PDILT: variants seen among roughly 807,000 people sequenced by gnomAD.
PDILT encodes protein disulfide isomerase like, testis expressed.
PDILT carries 43 observed loss-of-function variants against 53.7 expected under a neutral mutation model. The ratio of observed to expected loss-of-function variants is 0.80; its 90% confidence interval spans 0.63 to 1.03. PDILT has a LOEUF of 1.03. PDILT is among the 50% of genes least tolerant of loss of function. The pLI is 0.00. For synonymous variants in PDILT, 282 were observed against 274.2 expected (o/e 1.03, Z -0.28); for missense variants, 727 against 712.3 (o/e 1.02, Z -0.24).
intron 8 of PDILT, 132 bp downstream of exon 8, chr16:20,369,360 C>T (rs1966265846): frequency 1.9e-6 from 2 of 1,038,080 alleles, no homozygotes; most frequent in Non-Finnish European, 2.9e-6. Context: ...GGGGATTTCC[C>T]CACATTGAGC....
intron 5 of PDILT, among the ~76,000 whole-genome samples, 200 bp from the exon 6 acceptor site, chr16:20,373,322 G>A (rs1966334905): frequency 6.6e-6 from 1 of 152,184 alleles, no homozygotes; most frequent in Admixed American, 6.5e-5. Context: ...GTAGGTGACA[G>A]CCATGAAAAT....
intron 2 of PDILT, among the ~76,000 whole-genome samples, chr16:20,398,283 A>G (rs1476434373): frequency 6.6e-6 from 1 of 152,172 alleles, no homozygotes; most frequent in Non-Finnish European, 1.5e-5. Context: ...CTGCTGATGC[A>G]AAATGTCCAA....
At chr16:20,387,559 T>A (rs186031488) in intron 2 of PDILT, among the ~76,000 whole-genome samples, 1 of 152,164 alleles carries the variant, frequency 6.6e-6, no homozygotes, top group South Asian at 2.1e-4. Context: ...GAATATGGAA[T>A]GGTACCAGAG....
At chr16:20,373,299 G>A (rs927196690) in intron 5 of PDILT, among the ~76,000 whole-genome samples, 177 bp from the exon 6 acceptor site, 1 of 152,176 alleles carries the variant, frequency 6.6e-6, no homozygotes, top group Non-Finnish European at 1.5e-5. Flanking sequence ...ATTAGTCAGT[G>A]GGTAGAATCT....
chr16:20,403,333 A>G (rs1966768066), intron 1 of PDILT, among the ~76,000 whole-genome samples: 1 of 152,140 alleles, frequency 6.6e-6, no homozygotes, highest in Non-Finnish European at 1.5e-5. Context: ...CTTGTTGCCC[A>G]GGCTGGAGTG....
chr16:20,369,488 C>G lies in PDILT; in HGVS notation c.1116+4G>C, dbSNP rs1966268604. 1.2e-6 allele frequency: 2 copies of G among 1,612,956 alleles called. No homozygotes were observed. The highest frequency in any genetic ancestry group is 1.3e-5 in the African/African-American group (1 of 74,878). Reference sequence around the variant, plus strand: ...GGATAAACCTTGTCCAAGAAAAAACCTACTGTGGCATTTTTACTCAGGAAG... The same window carrying G: ...GGATAAACCTTGTCCAAGAAAAAACGTACTGTGGCATTTTTACTCAGGAAG... On this transcript the variant is annotated splice_donor_region_variant and intron_variant, in intron 8 of 11. Transcript: ENST00000302451.
At chr16:20,378,847 C>T (rs1966422500) in intron 3 of PDILT, among the ~76,000 whole-genome samples, 1 of 152,120 alleles carries the variant, frequency 6.6e-6, no homozygotes, top group African/African-American at 2.4e-5. Context: ...TTACATTAGT[C>T]TGCCTGTTCC....
Position 20,373,106 on chromosome 16 carries a change from CG to C in PDILT, c.697del (p.Arg233AlafsTer18), listed in dbSNP as rs1966331228. ...LVFKKGKIVN[R>X]QKLINDSTNK... ...GGTACTGTCATTAATAAGCTTTTGGCGGTTCACAATTTTTCCCTTGTACAAA... is the reference window on the plus strand; with the variant it reads ...GGTACTGTCATTAATAAGCTTTTGGCGTTCACAATTTTTCCCTTGTACAAA... On this transcript the variant is annotated frameshift_variant, in exon 6 of 12. Transcript: ENST00000302451. LOFTEE classifies it high-confidence loss of function. 1 of 1,613,938 alleles carries C rather than the reference CG, an allele frequency of 6.2e-7. No homozygotes were observed. Among genetic ancestry groups the C allele is most frequent in the African/African-American group, 1.3e-5 (1 of 75,008 alleles).
At chr16:20,392,266 C>A (rs1417122318) in intron 2 of PDILT, among the ~76,000 whole-genome samples, 1 of 152,126 alleles carries the variant, frequency 6.6e-6, no homozygotes, top group African/African-American at 2.4e-5. Flanking sequence ...TCAGTGAAGG[C>A]AGGACATAAG....
At chr16:20,359,628 G>C in intron 11 of PDILT, 61 bp from the exon 12 acceptor site, 1 of 1,502,216 alleles carries the variant, frequency 6.7e-7, no homozygotes, top group East Asian at 2.3e-5. Flanking sequence ...AAGAAATAAA[G>C]AGGCAAGAAA....
chr16:20,399,916 CA>C (rs1966708058), intron 1 of PDILT, among the ~76,000 whole-genome samples: 1 of 151,998 alleles, frequency 6.6e-6, no homozygotes, highest in Non-Finnish European at 1.5e-5. Flanking sequence ...AAATCTCTCC[CA>C]TTCTCTCACT....
chr16:20,399,411 T>A, intron 1 of PDILT, 104 bp from the exon 2 acceptor site: 1 of 1,257,992 alleles, frequency 7.9e-7, no homozygotes, highest in Non-Finnish European at 1.1e-6. Context: ...AGGGTGAATG[T>A]GGCCTGAGCA....
chr16:20,361,634 G>C (rs1966102188), intron 10 of PDILT, among the ~76,000 whole-genome samples: 1 of 152,178 alleles, frequency 6.6e-6, no homozygotes, highest in Non-Finnish European at 1.5e-5. Context: ...CTGCAGTGCA[G>C]ACTGAGCAAA....
At chr16:20,380,596 A>G (rs1966449166) in intron 3 of PDILT, among the ~76,000 whole-genome samples, 1 of 152,198 alleles carries the variant, frequency 6.6e-6, no homozygotes, top group Non-Finnish European at 1.5e-5. Flanking sequence ...TTGGCCTCCC[A>G]AAGTGCTGGG....
intron 2 of PDILT, among the ~76,000 whole-genome samples, chr16:20,390,073 C>T (rs1038947149): frequency 5.9e-5 from 9 of 152,252 alleles, no homozygotes; most frequent in Middle Eastern, 3.4e-3. Flanking sequence ...TACTTTAGAT[C>T]CAACTTCTGA....
intron 8 of PDILT, among the ~76,000 whole-genome samples, chr16:20,368,493 C>T (rs192054116): frequency 6.6e-6 from 1 of 152,272 alleles, no homozygotes; most frequent in African/African-American, 2.4e-5. Context: ...ATAGGGGCAG[C>T]TGTGTCTCTG....
At position 20,376,084 on chromosome 16, in the gene PDILT, A is replaced by C; in HGVS notation, c.527T>G (p.Ile176Ser). Reference protein sequence around the residue: ...AEFVISRPLVIVGFFQDLEEE... With the variant: ...AEFVISRPLVSVGFFQDLEEE... ...TCCCAGTACCTGGAAGAAGCCAACG[A>C]TGACCAAGGGCCTGGATATCACAAA... Residue 176 changes from isoleucine (I) to serine (S), a missense_variant, in exon 4 of 12, where the codon ATC becomes AGC. Coordinates refer to ENST00000302451, the MANE Select transcript of PDILT (RefSeq NM_174924.2). 6.2e-7 allele frequency: 1 copy of C among 1,614,136 alleles called. No individual in the cohort carries two copies. Among genetic ancestry groups the C allele is most frequent in the South Asian group, 1.1e-5 (1 of 91,072 alleles).
intron 2 of PDILT, among the ~76,000 whole-genome samples, chr16:20,396,148 G>C (rs949010597): frequency 5.3e-5 from 8 of 152,186 alleles, no homozygotes; most frequent in African/African-American, 1.7e-4. Flanking sequence ...CCACATGTCA[G>C]GTGATAACCT....
chr16:20,387,153 G>A (rs1158067361), intron 2 of PDILT, among the ~76,000 whole-genome samples: 1 of 152,232 alleles, frequency 6.6e-6, no homozygotes, highest in Non-Finnish European at 1.5e-5. Context: ...GGATATAACA[G>A]TGAACAGATA....
Sources: allele counts gnomAD v4.1 joint callset (sites outside exome capture counted in the v4.1 genomes callset), GRCh38; gene constraint gnomAD v4.1.1; transcripts MANE v1.5; gene names NCBI Gene and HGNC (gene_info 2026-07-23, HGNC 2026-07-21).